The following EXTL3 variants were observed in gnomAD, a reference collection of about 807,000 sequenced individuals.
EXTL3 encodes exostosin-like 3.
In EXTL3, 27 loss-of-function variants were observed where a neutral mutation model predicts 69.3. The observed-to-expected ratio is 0.39, with a 90% CI of 0.29 to 0.54. EXTL3 has a LOEUF of 0.54. EXTL3 is among the 20% of genes least tolerant of loss of function. The pLI, the probability that EXTL3 is intolerant of heterozygous loss-of-function variation, is 0.69. For synonymous variants in EXTL3, 511 were observed against 499.4 expected, an observed-to-expected ratio of 1.02 and a Z score of -0.31; for missense variants, 1,003 against 1,231.8, an observed-to-expected ratio of 0.81 and a Z score of 2.78.
At chr8:28,637,998 T>C (rs1806682811) in intron 1 of EXTL3, among the ~76,000 whole-genome samples, 1 of 152,196 alleles carries the variant, frequency 6.6e-6, no homozygotes, top group African/African-American at 2.4e-5. Flanking sequence ...CTGAAAGCAT[T>C]TGGCTTTCCT....
chr8:28,690,398 T>A (rs746667192), intron 1 of EXTL3, among the ~76,000 whole-genome samples: 6 of 152,120 alleles, frequency 3.9e-5, no homozygotes, highest in Middle Eastern at 3.4e-3. Flanking sequence ...ATACAAATAT[T>A]TATTATTTCA....
intron 1 of EXTL3, among the ~76,000 whole-genome samples, chr8:28,633,706 T>C (rs906777611): frequency 5.9e-5 from 9 of 152,216 alleles, no homozygotes; most frequent in Admixed American, 5.9e-4. Context: ...TAAGGTTTCC[T>C]TGGAACACAT....
Position 28,717,927 on chromosome 8 carries a change from T to A in EXTL3, c.1868T>A (p.Leu623Ter). ...CCCCACACTCCCTTTGACCCTGTGT[T>A]GCCCTCAGAGGCCAAATTCTTGGGC... ...LFPHTPFDPV[L>*]PSEAKFLGSG... Residue 623 changes from leucine (L) to a stop codon, truncating the protein, a stop_gained, in exon 3 of 7, where the codon TTG (leucine) becomes TAG (stop). Coordinates refer to ENST00000220562, the MANE Select transcript of EXTL3 (RefSeq NM_001440.4). LOFTEE classifies it high-confidence loss of function. This position sits in a 1 kb window ranked among gnomAD's most constrained non-coding sequence, Gnocchi z 8.3. 1 of 1,614,242 alleles carries A rather than the reference T, an allele frequency of 6.2e-7. No individual in the cohort carries two copies. Among genetic ancestry groups the A allele is most frequent in the Non-Finnish European group, 8.5e-7 (1 of 1,180,046 alleles).
At position 28,742,321 on chromosome 8, in the gene EXTL3, T is replaced by C. The variant is rs1006379489; in HGVS notation, c.2422-765T>C. ...ACAAGCTGACAACATTCTGAAAATG[T>C]AGAAAGCGCCATTCATGAGCAGGTG... On this transcript the variant is annotated intron_variant, in intron 5 of 6. Coordinates refer to ENST00000220562, the MANE Select transcript of EXTL3 (RefSeq NM_001440.4). 4 of 152,206 alleles carry C rather than the reference T, an allele frequency of 2.6e-5. No homozygotes were observed. In the East Asian group the frequency reaches 7.7e-4, roughly 29 times the overall value. 9.4% of individuals were successfully genotyped at this position (152,206 alleles called of 1,614,324 possible).
At chr8:28,683,883 T>C (rs1256042241) in intron 1 of EXTL3, among the ~76,000 whole-genome samples, 1 of 152,142 alleles carries the variant, frequency 6.6e-6, no homozygotes, top group African/African-American at 2.4e-5. Context: ...TCATTGTTTC[T>C]AACTATATTT....
At chr8:28,657,740 A>T (rs1294940009) in intron 1 of EXTL3, among the ~76,000 whole-genome samples, 3 of 152,086 alleles carry the variant, frequency 2.0e-5, no homozygotes, top group East Asian at 1.9e-4. Context: ...GGGGGAAAAA[A>T]CCTACCCATT....
chr8:28,729,806 T>TG lies in EXTL3; in HGVS notation c.2149-1411dup, dbSNP rs376714057. On this transcript the variant is annotated intron_variant, in intron 3 of 6. Transcript: ENST00000220562. Reference sequence around the variant, plus strand: ...CTTGAGCTCAGGAGTTCGAGACGCCTGGGGGGAACATAGTGATGAGACTTC... The same window carrying TG: ...CTTGAGCTCAGGAGTTCGAGACGCCTGGGGGGGAACATAGTGATGAGACTTC... Among the ~76,000 whole-genome samples the TG allele has an allele frequency of 2.4e-3, 357 of 150,590 alleles. 2 individuals carry two copies. Among genetic ancestry groups the TG allele is most frequent in the Non-Finnish European group, 3.8e-3 (258 of 67,772 alleles).
chr8:28,734,112 C>T (rs1801598305), intron 4 of EXTL3, among the ~76,000 whole-genome samples: 2 of 152,194 alleles, frequency 1.3e-5, no homozygotes, highest in Non-Finnish European at 2.9e-5. Context: ...GCCACCGCAC[C>T]AGGCCAGGAT....
intron 1 of EXTL3, among the ~76,000 whole-genome samples, chr8:28,645,124 GTC>G (rs1491324839): frequency 1.2e-4 from 18 of 152,160 alleles, no homozygotes; most frequent in Non-Finnish European, 2.6e-4. Flanking sequence ...TGCTCAACCA[GTC>G]TCTCCTGGGG....
At position 28,671,616 on chromosome 8, in the gene EXTL3, G is replaced by T. The variant is rs145505179; in HGVS notation, c.-52-41841G>T. 2.1e-3 allele frequency among the ~76,000 whole-genome samples: 318 copies of T among 152,280 alleles called. 7 individuals carry two copies. In the East Asian group the frequency reaches 0.052, roughly 25 times the overall value. On this transcript the variant is annotated intron_variant, in intron 1 of 6. Transcript: ENST00000523149. ...CGCCTCCCAAAGTGCTGGGATTACA[G>T]GCATGAGCCTCCATGCCCAGCCCAT...
upstream of EXTL3, among the ~76,000 whole-genome samples, chr8:28,619,836 C>A (rs1806385423): frequency 4.0e-5 from 5 of 125,260 alleles, no homozygotes; most frequent in South Asian, 1.4e-3. Context: ...GCCGACAGGG[C>A]TTCTGGTTCT....
rs1270792225 is a variant in EXTL3 at position 28,710,640 on chromosome 8, T to G, written c.-569-2817T>G. 8.6e-5 allele frequency: 30 copies of G among 350,876 alleles called. No individual in the cohort carries two copies. The Admixed American group carries it at 1.2e-3, about 14-fold the overall frequency. 21.7% of individuals were successfully genotyped at this position (350,876 alleles called of 1,614,324 possible). On this transcript the variant is annotated intron_variant, in intron 1 of 6. Transcript: ENST00000220562. ...TTTTTTTTTTTTTTTTGAGGCAAGG[T>G]CTTGCTCTGTCACCCAGGTGTGATC...
At chr8:28,718,647 A>G (rs1232865052) in intron 3 of EXTL3, among the ~76,000 whole-genome samples, 1 of 152,226 alleles carries the variant, frequency 6.6e-6, no homozygotes, top group Non-Finnish European at 1.5e-5. Context: ...AATTTGCCCA[A>G]GATCATGGTG....
intron 1 of EXTL3, among the ~76,000 whole-genome samples, chr8:28,636,875 G>A (rs1806664490): frequency 6.6e-6 from 1 of 152,086 alleles, no homozygotes; most frequent in African/African-American, 2.4e-5. Context: ...GCTGGGCATG[G>A]TGGCATGTGC....
In EXTL3 at chr8:28,701,617, AGGC is replaced by A. The variant is rs537721750; in HGVS notation, c.-591_-589del. The A allele has an allele frequency of 2.0e-3, 323 of 160,716 alleles. No homozygotes were observed. The highest frequency in any genetic ancestry group is 3.3e-3 in the Non-Finnish European group (250 of 75,058). 10.0% of individuals were successfully genotyped at this position (160,716 alleles called of 1,614,324 possible). ...GCTTCTGGGACGCCGACTTTCGCGC[AGGC>A]GGCGGCGGCGGCGGCGGCGGGTCCC... is the stretch of plus-strand genomic sequence containing the variant. On this transcript the variant is annotated 5_prime_UTR_variant, in exon 1 of 7. Coordinates refer to ENST00000220562, the MANE Select transcript of EXTL3 (RefSeq NM_001440.4).
At position 28,610,157 on chromosome 8, in the gene EXTL3, C is replaced by T. The variant is rs143025999; in HGVS notation, n.314+2399C>T. Among the ~76,000 whole-genome samples, 245 of 152,046 alleles carry T rather than the reference C, an allele frequency of 1.6e-3. 2 individuals are homozygous for T. The highest frequency in any genetic ancestry group is 5.5e-3 in the African/African-American group (228 of 41,452). On this transcript the variant is annotated intron_variant and non_coding_transcript_variant, in intron 2 of 4. Transcript: ENST00000522725. ...GGTGGAGGTTGCAGTGAGCCAAGAT[C>T]CCACCACTTTACTCCAGACTGAGCG... is the stretch of plus-strand genomic sequence containing the variant.
intron 1 of EXTL3, among the ~76,000 whole-genome samples, chr8:28,686,343 A>G (rs920619384): frequency 2.0e-5 from 3 of 151,934 alleles, no homozygotes; most frequent in Non-Finnish European, 2.9e-5. Flanking sequence ...CAAAAAAAAA[A>G]AAAAGAAAAG....
intron 1 of EXTL3, among the ~76,000 whole-genome samples, chr8:28,706,447 T>C (rs1800924445): frequency 6.6e-6 from 1 of 152,226 alleles, no homozygotes; most frequent in Non-Finnish European, 1.5e-5. Flanking sequence ...TTCTCACTCA[T>C]GATTCTTTAA....
chr8:28,733,872 C>T (rs1280558453), intron 4 of EXTL3, among the ~76,000 whole-genome samples: 2 of 148,912 alleles, frequency 1.3e-5, no homozygotes, highest in Non-Finnish European at 1.5e-5. Context: ...GGCTGGAGTG[C>T]AGTGGTGTGA....
Sources: gnomAD v4.1 joint callset for allele counts (sites outside exome capture counted in the v4.1 genomes callset) on GRCh38, gnomAD v4.1.1 for gene constraint, Gnocchi (gnomAD v3.1) non-coding constraint, MANE v1.5 for transcripts, NCBI Gene and HGNC (gene_info 2026-07-23, HGNC 2026-07-21) for gene names.